PCCA: variants seen among roughly 807,000 people sequenced by gnomAD.
The protein encoded by PCCA is propionyl-CoA carboxylase alpha chain, mitochondrial.
PCCA carries 74 observed loss-of-function variants against 101.3 expected under a neutral mutation model. That is an observed-to-expected ratio of 0.73 (90% CI 0.61 to 0.89). The LOEUF (loss-of-function observed/expected upper bound fraction) is 0.89, where lower values mean the gene tolerates loss of function less well. Ranked by LOEUF, PCCA falls within the 40% of genes least tolerant of loss-of-function variation. The pLI is 0.00. For missense variants in PCCA, 891 were observed against 907.0 expected (o/e 0.98, Z 0.23); for synonymous variants, 294 against 313.6 (o/e 0.94, Z 0.66).
chr13:100,365,176 A>C (rs1400138346), intron 18 of PCCA, among the ~76,000 whole-genome samples: 3 of 152,228 alleles, frequency 2.0e-5, no homozygotes, highest in African/African-American at 7.2e-5. Context: ...ATTGGTTCAA[A>C]CAGATTGAAT....
chr13:100,176,425 A>C (rs2056243483), intron 6 of PCCA, among the ~76,000 whole-genome samples: 1 of 152,222 alleles, frequency 6.6e-6, no homozygotes, highest in Non-Finnish European at 1.5e-5. Context: ...TTTTAAGTTT[A>C]ATTATTTACA....
At chr13:100,240,991 A>G (rs188051829) in intron 8 of PCCA, among the ~76,000 whole-genome samples, 55 of 151,850 alleles carry the variant, frequency 3.6e-4, no homozygotes, top group African/African-American at 1.3e-3. Context: ...TTCCCTGGAG[A>G]TTTCCCTCAT....
At position 100,315,863 on chromosome 13, in the gene PCCA, T is replaced by A. The variant is rs115125470; in HGVS notation, c.1429+5955T>A. On this transcript the variant is annotated intron_variant, in intron 16 of 23. Coordinates refer to ENST00000376285, the MANE Select transcript of PCCA (RefSeq NM_000282.4). ...GTGATTAATAATATCCTTGAAGTTG[T>A]AAACTAACTCTCAAAGAATACCTCT... is the stretch of plus-strand genomic sequence containing the variant. Among the ~76,000 whole-genome samples, 958 of 152,310 alleles carry A rather than the reference T, an allele frequency of 6.3e-3. 10 individuals are homozygous for A. The highest frequency in any genetic ancestry group is 0.022 in the African/African-American group (915 of 41,560).
intron 16 of PCCA, among the ~76,000 whole-genome samples, chr13:100,311,129 G>A (rs1181517328): frequency 2.0e-5 from 3 of 151,932 alleles, no homozygotes; most frequent in Non-Finnish European, 1.5e-5. Context: ...CGCTACTTGG[G>A]AGGCTGAGGC....
chr13:100,366,772 G>A (rs1054219673), intron 18 of PCCA, among the ~76,000 whole-genome samples: 2 of 151,828 alleles, frequency 1.3e-5, no homozygotes, highest in Non-Finnish European at 2.9e-5. Flanking sequence ...TGTGTACAGT[G>A]TGCATTATTG....
intron 21 of PCCA, among the ~76,000 whole-genome samples, chr13:100,506,478 T>C (rs2086091608): frequency 6.6e-6 from 1 of 152,222 alleles, no homozygotes; most frequent in Non-Finnish European, 1.5e-5. Flanking sequence ...TTTACTTTCG[T>C]TTACTCTGCC....
chr13:100,469,948 C>G (rs1014883271), intron 21 of PCCA, among the ~76,000 whole-genome samples: 3 of 152,162 alleles, frequency 2.0e-5, no homozygotes, highest in African/African-American at 7.2e-5. Context: ...TGGGGATTTC[C>G]AAATCTGAAT....
At chr13:100,472,267 T>C (rs1173876444) in intron 21 of PCCA, among the ~76,000 whole-genome samples, 2 of 152,084 alleles carry the variant, frequency 1.3e-5, no homozygotes, top group Admixed American at 1.3e-4. Context: ...GCAAGGTCCC[T>C]GGGCACGACG....
At chr13:100,125,368 A>G (rs903325243) in intron 4 of PCCA, among the ~76,000 whole-genome samples, 3 of 152,208 alleles carry the variant, frequency 2.0e-5, no homozygotes, top group Non-Finnish European at 2.9e-5. Flanking sequence ...CCATTCTTCA[A>G]TATTAACTTT....
chr13:100,508,403 C>T (rs923007085), intron 21 of PCCA, among the ~76,000 whole-genome samples: 1 of 152,180 alleles, frequency 6.6e-6, no homozygotes, highest in Non-Finnish European at 1.5e-5. Context: ...TTCATTGGTC[C>T]AGTAAACGAC....
intron 1 of PCCA, among the ~76,000 whole-genome samples, chr13:100,097,697 G>C (rs1421181597): frequency 6.6e-6 from 1 of 152,086 alleles, no homozygotes; most frequent in Non-Finnish European, 1.5e-5. Context: ...CCAGCCTGGC[G>C]ACAGAGTGAG....
chr13:100,510,850 G>A (rs141601021), intron 21 of PCCA, among the ~76,000 whole-genome samples: 4 of 152,226 alleles, frequency 2.6e-5, no homozygotes, highest in East Asian at 3.9e-4. Context: ...CTGCTCCAGC[G>A]ACTGCAGCTG....
chr13:100,279,918 A>T (rs1041797754), intron 12 of PCCA, among the ~76,000 whole-genome samples: 1 of 152,018 alleles, frequency 6.6e-6, no homozygotes. Context: ...CTAGAGGGCT[A>T]TAATTTTCTT....
At chr13:100,512,456 TA>T (rs1460527715) in intron 21 of PCCA, among the ~76,000 whole-genome samples, 1 of 152,238 alleles carries the variant, frequency 6.6e-6, no homozygotes, top group African/African-American at 2.4e-5. Context: ...TGTTCTCACT[TA>T]CGTGGTGAGC....
At chr13:100,192,079 CT>C (rs767754771) in intron 6 of PCCA, among the ~76,000 whole-genome samples, 9 of 152,126 alleles carry the variant, frequency 5.9e-5, no homozygotes, top group Non-Finnish European at 7.3e-5. Context: ...GAATTTGTAT[CT>C]TGGAAAGAAT....
intron 12 of PCCA, among the ~76,000 whole-genome samples, chr13:100,281,064 C>A (rs180967539): frequency 6.6e-5 from 10 of 152,156 alleles, no homozygotes. Flanking sequence ...CTGTATGATA[C>A]CTCAGTGCTT....
intron 5 of PCCA, 120 bp downstream of exon 5, chr13:100,155,212 A>G: frequency 1.4e-6 from 1 of 738,422 alleles, no homozygotes; most frequent in Non-Finnish European, 2.4e-6. Flanking sequence ...CAGTTAGTTC[A>G]TGTCACATGA....
chr13:100,422,929 A>T (rs1350991149), intron 19 of PCCA, among the ~76,000 whole-genome samples: 1 of 149,068 alleles, frequency 6.7e-6, no homozygotes, highest in Non-Finnish European at 1.5e-5. Flanking sequence ...ACTTTGGAGA[A>T]CTATTTATCT....
At chr13:100,528,597 G>A (rs962061187) in intron 23 of PCCA, among the ~76,000 whole-genome samples, 1 of 152,234 alleles carries the variant, frequency 6.6e-6, no homozygotes, top group African/African-American at 2.4e-5. Flanking sequence ...GGGCAGCGGG[G>A]ATGTCATGCC....
Sources: allele counts gnomAD v4.1 joint callset (sites outside exome capture counted in the v4.1 genomes callset), GRCh38; gene constraint gnomAD v4.1.1; transcripts MANE v1.5; gene names NCBI Gene and HGNC (gene_info 2026-07-23, HGNC 2026-07-21).